The following GAS6 variants were observed in gnomAD, a reference collection of about 807,000 sequenced individuals.
The protein encoded by GAS6 is growth arrest-specific protein 6.
A neutral mutation model predicts 75.8 loss-of-function variants in GAS6; 41 were observed. The ratio of observed to expected loss-of-function variants is 0.54; its 90% CI spans 0.42 to 0.70. The LOEUF is 0.70. GAS6 is among the 30% of genes least tolerant of loss of function. The pLI is 0.00. For missense variants in GAS6, 854 were observed against 940.2 expected (o/e 0.91, Z 1.20); for synonymous variants, 432 against 412.6 (o/e 1.05, Z -0.57).
At chr13:113,826,359 G>C (rs1266135271) in intron 12 of GAS6, among the ~76,000 whole-genome samples, 2 of 152,120 alleles carry the variant, frequency 1.3e-5, no homozygotes, top group Non-Finnish European at 2.9e-5. Flanking sequence ...TTCTGCAAAG[G>C]ACCCTGTAAG....
Position 113,857,949 on chromosome 13 carries a change from G to A in GAS6, c.255+5626C>T, listed in dbSNP as rs143582788. On this transcript the variant is annotated intron_variant, in intron 2 of 14. Coordinates refer to ENST00000327773, the MANE Select transcript of GAS6 (RefSeq NM_000820.4). ...CAGGAGAGGGCTGCGGAGCCAGCAC[G>A]GAAGACGGCCCTCAGAGGAGGCCGG... Among the ~76,000 whole-genome samples, 526 of 152,346 alleles carry A rather than the reference G, an allele frequency of 3.5e-3. 1 individual carries two copies. Among genetic ancestry groups the A allele is most frequent in the African/African-American group, 0.011 (478 of 41,570 alleles).
intron 14 of GAS6, chr13:113,821,707 T>C (rs955847292): frequency 2.4e-5 from 12 of 504,504 alleles, no homozygotes; most frequent in Non-Finnish European, 3.5e-5. Context: ...AAGATGCAGG[T>C]TCGTGGGGCC....
intron 9 of GAS6, 69 bp from the exon 10 acceptor site, chr13:113,832,557 G>A (rs1039486807): frequency 1.2e-5 from 19 of 1,600,332 alleles, no homozygotes; most frequent in East Asian, 2.2e-5. Flanking sequence ...CCTGCTGGCC[G>A]AACCCTGGCC....
Position 113,822,182 on chromosome 13 carries a change from AC to A in GAS6, c.1657del (p.Val553TrpfsTer12). 6.5e-7 allele frequency: 1 copy of A among 1,545,004 alleles called. No individual in the cohort carries two copies. The highest frequency in any genetic ancestry group is 1.3e-5 in the African/African-American group (1 of 74,196). ...GGCCGTATGCTCCACGGCCAGGACC[AC>A]CAGCTGCAGGAGACCGAGGTGTGGT... The part of the protein sequence containing the change: ...HSTKKLKKQL[V>X]VLAVEHTALA... On this transcript the variant is annotated frameshift_variant, in exon 14 of 15. Transcript: ENST00000327773.
At chr13:113,838,214 A>C (rs2051737103) in intron 5 of GAS6, 23 bp from the exon 6 acceptor site, 2 of 1,611,062 alleles carry the variant, frequency 1.2e-6, no homozygotes, top group African/African-American at 2.7e-5. Context: ...ACAGGCCTGA[A>C]GGGGAGCCCA....
chr13:113,850,327 G>A (rs953014485), intron 2 of GAS6, among the ~76,000 whole-genome samples: 1 of 152,058 alleles, frequency 6.6e-6, no homozygotes, highest in African/African-American at 2.4e-5. Context: ...CCACCACTCA[G>A]GAGGCCGGAA....
chr13:113,863,439 G>C lies in GAS6; in HGVS notation c.255+136C>G. ...GGATGGGCGTGGGGGACGCGGGGCGGGCCGGGGCTCCTGGGACCCTGAGGC... is the reference window on the plus strand; with the variant it reads ...GGATGGGCGTGGGGGACGCGGGGCGCGCCGGGGCTCCTGGGACCCTGAGGC... On this transcript the variant is annotated intron_variant, in intron 2 of 14. Transcript: ENST00000327773. The surrounding 1 kb of genome is among the most constrained non-coding windows in gnomAD (Gnocchi z 9.4). 1.2e-6 allele frequency: 1 copy of C among 806,502 alleles called. No homozygotes were observed. Among genetic ancestry groups the C allele is most frequent in the Non-Finnish European group, 1.7e-6 (1 of 586,750 alleles). 50.0% of individuals were successfully genotyped at this position (806,502 alleles called of 1,614,324 possible).
intron 12 of GAS6, among the ~76,000 whole-genome samples, chr13:113,826,260 C>T (rs551102198): frequency 2.4e-4 from 36 of 152,324 alleles, no homozygotes; most frequent in Non-Finnish European, 4.0e-4. Context: ...GCTGTCTCAC[C>T]GGGTCATCGG....
At position 113,847,258 on chromosome 13, in the gene GAS6, C is replaced by T. The variant is rs190312700; in HGVS notation, c.281-669G>A. ...ACCCCCTGCTTCAGAACTCAGTCCT[C>T]GCTGGTGCCTGGGCTTTCTGGGCCA... On this transcript the variant is annotated intron_variant, in intron 3 of 14. Coordinates refer to ENST00000327773, the MANE Select transcript of GAS6 (RefSeq NM_000820.4). Among the ~76,000 whole-genome samples the T allele has an allele frequency of 5.3e-4, 81 of 152,372 alleles. 1 individual carries two copies. The East Asian group carries it at 0.014, about 27-fold the overall frequency.
Position 113,846,701 on chromosome 13 carries a change from C to T in GAS6, c.281-112G>A, listed in dbSNP as rs542721357. 1.2e-5 allele frequency: 10 copies of T among 822,924 alleles called. No homozygotes were observed. In the East Asian group the frequency reaches 2.5e-4, roughly 20 times the overall value. 51.0% of individuals were successfully genotyped at this position (822,924 alleles called of 1,614,324 possible). Reference sequence around the variant, plus strand: ...GCAGTTACTCTGCTTACCTGGGGTGCTATCATCCTCCAGAAACAATGCCGC... The same window carrying T: ...GCAGTTACTCTGCTTACCTGGGGTGTTATCATCCTCCAGAAACAATGCCGC... On this transcript the variant is annotated intron_variant, in intron 3 of 14. Transcript: ENST00000327773.
At chr13:113,853,707 T>C (rs2051893103) in intron 2 of GAS6, among the ~76,000 whole-genome samples, 1 of 152,214 alleles carries the variant, frequency 6.6e-6, no homozygotes, top group Admixed American at 6.5e-5. Flanking sequence ...CATAGTGCTG[T>C]CTTCCAAGAA....
At position 113,828,530 on chromosome 13, in the gene GAS6, A is replaced by C. The variant is rs771274083; in HGVS notation, c.1308+17T>G. ...CAGCACACGGCGCGTCTACACAGGGACAGGTACAGTACTCACAGGCTGCAC... is the reference window on the plus strand; with the variant it reads ...CAGCACACGGCGCGTCTACACAGGGCCAGGTACAGTACTCACAGGCTGCAC... On this transcript the variant is annotated intron_variant, in intron 11 of 14. Transcript: ENST00000327773. 2 of 1,610,468 alleles carry C rather than the reference A, an allele frequency of 1.2e-6. No individual in the cohort carries two copies. The highest frequency in any genetic ancestry group is 1.7e-6 in the Non-Finnish European group (2 of 1,178,032).
intron 8 of GAS6, 21 bp downstream of exon 8, chr13:113,834,530 G>A (rs780670245): frequency 1.7e-5 from 26 of 1,525,792 alleles, no homozygotes; most frequent in East Asian, 7.2e-5. Context: ...TGAAGGGCCC[G>A]CGGGGCCAGG....
intron 2 of GAS6, among the ~76,000 whole-genome samples, chr13:113,859,842 C>T (rs113527182): frequency 6.6e-6 from 1 of 152,230 alleles, no homozygotes; most frequent in African/African-American, 2.4e-5. Flanking sequence ...CCCCACCAGG[C>T]GCCCCCACAT....
intron 10 of GAS6, 70 bp from the exon 11 acceptor site, chr13:113,828,781 C>A (rs2051587102): frequency 3.9e-6 from 6 of 1,523,806 alleles, no homozygotes; most frequent in Middle Eastern, 1.7e-4. Flanking sequence ...CTGAGAAAAA[C>A]CACACTCATC....
In GAS6 at chr13:113,826,249, A is replaced by G. The variant is rs373336098; in HGVS notation, c.1477+747T>C. On this transcript the variant is annotated intron_variant, in intron 12 of 14. Coordinates refer to ENST00000327773, the MANE Select transcript of GAS6 (RefSeq NM_000820.4). ...GCTGTTTTTACACACCTCCCATTGTAGCTGTCTCACCGGGTCATCGGTGAC... is the reference window on the plus strand; with the variant it reads ...GCTGTTTTTACACACCTCCCATTGTGGCTGTCTCACCGGGTCATCGGTGAC... 8.7e-4 allele frequency among the ~76,000 whole-genome samples: 133 copies of G among 152,272 alleles called. 1 individual carries two copies. The highest frequency in any genetic ancestry group is 3.1e-3 in the African/African-American group (129 of 41,554).
At chr13:113,858,012 A>G (rs1267081801) in intron 2 of GAS6, among the ~76,000 whole-genome samples, 2 of 152,218 alleles carry the variant, frequency 1.3e-5, no homozygotes, top group Admixed American at 1.3e-4. Flanking sequence ...TGGGCCCAGG[A>G]GGAAAGGCCT....
intron 5 of GAS6, among the ~76,000 whole-genome samples, chr13:113,838,785 G>A (rs955909682): frequency 2.0e-5 from 3 of 149,616 alleles, no homozygotes; most frequent in Middle Eastern, 3.6e-3. Context: ...AAGGGACCGC[G>A]GGTGTGCACA....
chr13:113,820,953 G>T lies in GAS6; in HGVS notation c.1948C>A (p.Arg650=). The change falls in exon 15 of 15, where the codon CGG becomes AGG. Residue 650 remains arginine (R), a synonymous_variant. Transcript: ENST00000327773. ...GCCTCGTCCAGGTCCAGCAGCCTCC[G>T]GTTGACCTCCAGTGTCATGCAGCCG... The part of the protein sequence containing the change: ...YRGCMTLEVN[R]RLLDLDEAAY... 1 of 1,612,688 alleles carries T rather than the reference G, an allele frequency of 6.2e-7. No individual in the cohort carries two copies. Among genetic ancestry groups the T allele is most frequent in the Non-Finnish European group, 8.5e-7 (1 of 1,179,898 alleles).
Sources: gnomAD v4.1 joint callset for allele counts (sites outside exome capture counted in the v4.1 genomes callset) on GRCh38, gnomAD v4.1.1 for gene constraint, Gnocchi (gnomAD v3.1) non-coding constraint, MANE v1.5 for transcripts, NCBI Gene and HGNC (gene_info 2026-07-23, HGNC 2026-07-21) for gene names.